The following SLC14A2 variants were observed in gnomAD, a reference collection of about 807,000 sequenced individuals.
SLC14A2 encodes the protein urea transporter 2.
A neutral mutation model predicts 104.6 loss-of-function variants in SLC14A2; 91 were observed. That is an observed-to-expected ratio of 0.87 (90% CI 0.73 to 1.04). The LOEUF is 1.04. Ranked by LOEUF, SLC14A2 falls within the 50% of genes least tolerant of loss-of-function variation. The pLI, the probability that SLC14A2 is intolerant of heterozygous loss-of-function variation, is 0.00. For missense variants in SLC14A2, 1,189 were observed against 1,156.0 expected (o/e 1.03, Z -0.41); for synonymous variants, 476 against 466.4 (o/e 1.02, Z -0.27).
chr18:45,395,634 GA>G (rs1457737362), intron 1 of SLC14A2, among the ~76,000 whole-genome samples: 3 of 152,014 alleles, frequency 2.0e-5, no homozygotes, highest in African/African-American at 7.2e-5. Context: ...TGAAAAAAAT[GA>G]GACTTAGAAG....
intron 1 of SLC14A2, among the ~76,000 whole-genome samples, chr18:45,262,940 C>T (rs1427446256): frequency 6.6e-6 from 1 of 152,224 alleles, no homozygotes; most frequent in African/African-American, 2.4e-5. Context: ...CCCATGCACA[C>T]TTCCTCCAGC....
intron 2 of SLC14A2, among the ~76,000 whole-genome samples, chr18:45,568,836 C>A (rs2044304663): frequency 6.6e-6 from 1 of 152,158 alleles, no homozygotes; most frequent in Non-Finnish European, 1.5e-5. Context: ...CTGACTGATA[C>A]AGAAATGTGT....
intron 2 of SLC14A2, among the ~76,000 whole-genome samples, chr18:45,586,955 C>T (rs2044574722): frequency 6.6e-6 from 1 of 151,704 alleles, no homozygotes; most frequent in African/African-American, 2.4e-5. Context: ...AATAACTGTC[C>T]TTACTAGAAA....
chr18:45,303,549 T>A (rs1192921849), intron 1 of SLC14A2, among the ~76,000 whole-genome samples: 1 of 152,250 alleles, frequency 6.6e-6, no homozygotes, highest in Non-Finnish European at 1.5e-5. Context: ...TGCTGGCTGC[T>A]GCTCTCGTCC....
At chr18:45,542,037 T>TTTG (rs2043893076) in intron 2 of SLC14A2, among the ~76,000 whole-genome samples, 1 of 38,730 alleles carries the variant, frequency 2.6e-5, no homozygotes, top group South Asian at 8.5e-4. Context: ...GAGAGAGGGT[T>TTTG]TTTTTTTTTT....
chr18:45,467,598 G>T (rs887840368), intron 1 of SLC14A2, among the ~76,000 whole-genome samples: 5 of 152,142 alleles, frequency 3.3e-5, no homozygotes, highest in Non-Finnish European at 5.9e-5. Context: ...CCCCTTCAGG[G>T]TCATAGGGAC....
chr18:45,382,369 G>C (rs1482554345), intron 1 of SLC14A2, among the ~76,000 whole-genome samples: 1 of 152,158 alleles, frequency 6.6e-6, no homozygotes. Flanking sequence ...AGAATCTATT[G>C]AGCAGTATAA....
At chr18:45,466,415 A>T (rs1256472178) in intron 1 of SLC14A2, among the ~76,000 whole-genome samples, 1 of 151,912 alleles carries the variant, frequency 6.6e-6, no homozygotes, top group Non-Finnish European at 1.5e-5. Context: ...GTTAGAGAGC[A>T]TGAAGGCTGA....
chr18:45,588,640 A>T (rs2044602587), intron 2 of SLC14A2, among the ~76,000 whole-genome samples: 1 of 152,116 alleles, frequency 6.6e-6, no homozygotes, highest in African/African-American at 2.4e-5. Context: ...GAGAATGGGG[A>T]TACCCACGGT....
intron 1 of SLC14A2, among the ~76,000 whole-genome samples, chr18:45,302,551 G>T (rs1314592839): frequency 6.6e-6 from 1 of 152,098 alleles, no homozygotes; most frequent in Admixed American, 6.5e-5. Context: ...CACAATGTCT[G>T]CCCTCTTGAC....
chr18:45,414,757 A>AAAAAAAT lies in SLC14A2; in HGVS notation c.-124-68475_-124-68474insAAAAATA, dbSNP rs1360051908. On this transcript the variant is annotated intron_variant, in intron 1 of 20. Coordinates refer to the SLC14A2 transcript ENST00000586448. ...AGGCACCGAGCGTAAAAAAAAAAAA[A>AAAAAAAT]ATATATATATATATATATATATATA... 4.4e-3 allele frequency among the ~76,000 whole-genome samples: 337 copies of AAAAAAAT among 76,034 alleles called. 3 individuals carry two copies. Among genetic ancestry groups the AAAAAAAT allele is most frequent in the Non-Finnish European group, 6.1e-3 (279 of 45,774 alleles). The allele number at this position is 76,034 out of a possible 152,430, so 49.9% of individuals were successfully genotyped here. A position where few individuals can be genotyped will look rare whatever the true frequency, so the allele number is the denominator to read the frequency against.
At chr18:45,602,534 G>A (rs975030452) in intron 2 of SLC14A2, among the ~76,000 whole-genome samples, 1 of 152,214 alleles carries the variant, frequency 6.6e-6, no homozygotes, top group African/African-American at 2.4e-5. Flanking sequence ...GGGGTCTTTG[G>A]TGTGATGTGA....
At chr18:45,562,780 G>A (rs561223452) in intron 2 of SLC14A2, among the ~76,000 whole-genome samples, 1 of 150,452 alleles carries the variant, frequency 6.6e-6, no homozygotes, top group Admixed American at 6.6e-5. Context: ...GGGAGGGAAG[G>A]AAAAAATTCT....
chr18:45,449,310 A>C (rs978624442), intron 1 of SLC14A2, among the ~76,000 whole-genome samples: 3 of 152,118 alleles, frequency 2.0e-5, no homozygotes, highest in African/African-American at 7.2e-5. Context: ...AATTCTGCAA[A>C]TCCCACTTCT....
intron 1 of SLC14A2, among the ~76,000 whole-genome samples, chr18:45,247,884 T>C (rs1350776331): frequency 2.6e-5 from 4 of 152,196 alleles, no homozygotes; most frequent in East Asian, 3.9e-4. Flanking sequence ...GACAGAAGCA[T>C]TGATGAGAGA....
intron 1 of SLC14A2, among the ~76,000 whole-genome samples, chr18:45,291,860 C>A (rs945834096): frequency 6.6e-6 from 1 of 152,102 alleles, no homozygotes; most frequent in Non-Finnish European, 1.5e-5. Context: ...TGGAGAAAAC[C>A]ACAAACTGGC....
intron 1 of SLC14A2, among the ~76,000 whole-genome samples, chr18:45,298,887 G>A (rs947007289): frequency 1.2e-4 from 18 of 151,892 alleles, no homozygotes; most frequent in African/African-American, 4.1e-4. Context: ...TCTCAAGGAA[G>A]AAACAATTCT....
intron 10 of SLC14A2, among the ~76,000 whole-genome samples, chr18:45,649,022 A>C (rs9962208): frequency 0.018 from 2,716 of 152,154 alleles, 67 homozygotes; most frequent in African/African-American, 0.059. Context: ...ATACAAAAAA[A>C]TTGCTGGGCA....
chr18:45,367,916 G>A (rs748997827), intron 1 of SLC14A2, among the ~76,000 whole-genome samples: 1 of 152,148 alleles, frequency 6.6e-6, no homozygotes, highest in Non-Finnish European at 1.5e-5. Flanking sequence ...GGCACTGAAG[G>A]CTTAATGTTC....
Sources: gnomAD v4.1 joint callset for allele counts (sites outside exome capture counted in the v4.1 genomes callset) on GRCh38, gnomAD v4.1.1 for gene constraint, MANE v1.5 for transcripts, NCBI Gene and HGNC (gene_info 2026-07-23, HGNC 2026-07-21) for gene names.